KATNIP: variants seen among roughly 807,000 people sequenced by gnomAD.
KATNIP encodes katanin-interacting protein.
In KATNIP, 126 loss-of-function variants were observed where a neutral mutation model predicts 174.0. That is an observed-to-expected ratio of 0.72 (90% CI 0.63 to 0.84). KATNIP has a LOEUF of 0.84. Among genes scored for constraint, KATNIP ranks in the 40% least tolerant of loss-of-function variants. The pLI, the probability that KATNIP is intolerant of heterozygous loss-of-function variation, is 0.00. For missense variants in KATNIP, 1,958 were observed against 2,109.7 expected (o/e 0.93, Z 1.41); for synonymous variants, 810 against 835.7 (o/e 0.97, Z 0.53).
chr16:27,678,000 A>G lies in KATNIP; in HGVS notation c.808+4A>G. On this transcript the variant is annotated splice_donor_region_variant and intron_variant, in intron 7 of 27. Coordinates refer to ENST00000261588, the MANE Select transcript of KATNIP (RefSeq NM_015202.5). ...GAATTTAACCCAGCTTCCAAAAGTG[A>G]GCTCTGTCTTGTATATCATTTCTTT... is the stretch of plus-strand genomic sequence containing the variant. The G allele has an allele frequency of 1.2e-6, 2 of 1,613,418 alleles. No individual in the cohort carries two copies. Among genetic ancestry groups the G allele is most frequent in the Non-Finnish European group, 1.7e-6 (2 of 1,179,426 alleles).
chr16:27,642,776 T>TTTTTAAAA (rs1325524615), intron 5 of KATNIP, among the ~76,000 whole-genome samples: 1 of 150,588 alleles, frequency 6.6e-6, no homozygotes, highest in African/African-American at 2.4e-5. Context: ...AAAATTTTTT[T>TTTTTAAAA]TTTTTTTTTT....
intron 20 of KATNIP, among the ~76,000 whole-genome samples, chr16:27,767,272 T>C (rs2082158147): frequency 6.6e-6 from 1 of 151,992 alleles, no homozygotes; most frequent in Admixed American, 6.5e-5. Context: ...TGTCTCCTCA[T>C]CTATAAAATG....
At chr16:27,749,255 C>A (rs941270404) in intron 15 of KATNIP, among the ~76,000 whole-genome samples, 1 of 152,202 alleles carries the variant, frequency 6.6e-6, no homozygotes, top group Non-Finnish European at 1.5e-5. Flanking sequence ...CAAAAACAAC[C>A]AGATTCTGGA....
intron 6 of KATNIP, among the ~76,000 whole-genome samples, chr16:27,665,548 A>G (rs912271594): frequency 6.6e-6 from 1 of 151,812 alleles, no homozygotes; most frequent in African/African-American, 2.4e-5. Flanking sequence ...ACCTGGTCTC[A>G]GGTATTTCTT....
At chr16:27,552,494 C>G (rs2089426099) in intron 1 of KATNIP, among the ~76,000 whole-genome samples, 1 of 151,064 alleles carries the variant, frequency 6.6e-6, no homozygotes, top group Non-Finnish European at 1.5e-5. Flanking sequence ...CCTGCCTCAA[C>G]CTCCCGAGTA....
chr16:27,766,736 C>T (rs1378706403), intron 20 of KATNIP, among the ~76,000 whole-genome samples: 1 of 152,210 alleles, frequency 6.6e-6, no homozygotes, highest in African/African-American at 2.4e-5. Flanking sequence ...GTCCAGGCCC[C>T]AGCTTGCCAT....
intron 5 of KATNIP, among the ~76,000 whole-genome samples, chr16:27,641,182 C>T (rs1015404320): frequency 1.3e-5 from 2 of 151,464 alleles, no homozygotes; most frequent in African/African-American, 4.9e-5. Flanking sequence ...TTTCCTTGAA[C>T]ATTAGAGCTC....
intron 1 of KATNIP, among the ~76,000 whole-genome samples, chr16:27,571,924 A>C (rs1437343281): frequency 6.6e-6 from 1 of 152,250 alleles, no homozygotes; most frequent in Non-Finnish European, 1.5e-5. Flanking sequence ...CAGAGCAGCA[A>C]GCCTCAGGAG....
chr16:27,629,658 G>A (rs376413568), intron 4 of KATNIP, among the ~76,000 whole-genome samples: 17 of 152,334 alleles, frequency 1.1e-4, no homozygotes, highest in African/African-American at 3.8e-4. Flanking sequence ...AGCAGAGCAC[G>A]TGGAGTCAGG....
intron 2 of KATNIP, among the ~76,000 whole-genome samples, chr16:27,610,767 C>A (rs568309274): frequency 1.3e-5 from 2 of 152,292 alleles, no homozygotes; most frequent in East Asian, 3.9e-4. Context: ...AAAAGTCAAC[C>A]TGGGAACTGC....
In KATNIP at chr16:27,777,112, T is replaced by C; in HGVS notation, c.4551+83T>C. 1 of 916,508 alleles carries C rather than the reference T, an allele frequency of 1.1e-6. No individual in the cohort carries two copies. The allele number at this position is 916,508 out of a possible 1,614,324, so 56.8% of individuals were successfully genotyped here. Reference sequence around the variant, plus strand: ...CCGGCAATTATCATTTGTCGCAGTTTGATTTACTTCTCTCTGTTGCAACCC... The same window carrying C: ...CCGGCAATTATCATTTGTCGCAGTTCGATTTACTTCTCTCTGTTGCAACCC... On this transcript the variant is annotated intron_variant, in intron 25 of 27. Coordinates refer to ENST00000261588, the MANE Select transcript of KATNIP (RefSeq NM_015202.5). This position sits in a 1 kb window ranked among gnomAD's most constrained non-coding sequence, Gnocchi z 4.4.
rs116665145 is a variant in KATNIP, at chr16:27,637,504, C to T, written c.408+6342C>T. Among the ~76,000 whole-genome samples, 137 of 152,250 alleles carry T rather than the reference C, an allele frequency of 9.0e-4. No individual in the cohort carries two copies. The highest frequency in any genetic ancestry group is 3.2e-3 in the African/African-American group (132 of 41,554). On this transcript the variant is annotated intron_variant, in intron 5 of 27. Transcript: ENST00000261588. This position sits in a 1 kb window ranked among gnomAD's most constrained non-coding sequence, Gnocchi z 4.7. ...CCTGAAAGAGAAGCTGTCGGGGGAG[C>T]GCTCCTTCAGCGAAGGTGGGCAGCA...
intron 9 of KATNIP, 125 bp downstream of exon 9, chr16:27,698,625 A>T (rs1343207187): frequency 7.4e-6 from 7 of 946,648 alleles, no homozygotes; most frequent in Non-Finnish European, 1.0e-5. Context: ...CCCCAGACTC[A>T]TCCGTGTTTC....
At position 27,769,968 on chromosome 16, in the gene KATNIP, C is replaced by A. The variant is rs775480551; in HGVS notation, c.4083C>A (p.Ile1361=). ...GNCHFDFAQE[I]LFVDYLRAQL... is the part of the protein sequence containing the mutation. ...GCCACTTTGATTTTGCTCAAGAAAT[C>A]CTCTTCGTGGACTACCTACGGGCTC... is the stretch of plus-strand genomic sequence containing the variant. The change falls in exon 21 of 28, where the codon ATC becomes ATA. Residue 1361 remains isoleucine (I), a synonymous_variant. Coordinates refer to ENST00000261588, the MANE Select transcript of KATNIP (RefSeq NM_015202.5). 1.1e-5 allele frequency: 17 copies of A among 1,614,130 alleles called. No homozygotes were observed. Among genetic ancestry groups the A allele is most frequent in the Middle Eastern group, 1.6e-4 (1 of 6,084 alleles).
At chr16:27,719,300 G>A (rs915906199) in intron 13 of KATNIP, among the ~76,000 whole-genome samples, 5 of 152,178 alleles carry the variant, frequency 3.3e-5, no homozygotes, top group African/African-American at 4.8e-5. Flanking sequence ...GGCCATCAGG[G>A]CTCCTGAGCT....
At position 27,749,867 on chromosome 16, in the gene KATNIP, C is replaced by G; in HGVS notation, c.2907C>G (p.Pro969=). The change falls in exon 16 of 28, where the codon CCC becomes CCG. Residue 969 remains proline (P), a synonymous_variant. Coordinates refer to ENST00000261588, the MANE Select transcript of KATNIP (RefSeq NM_015202.5). The part of the protein sequence containing the change: ...ETDAGGDFKI[P]VLPYGQRLVI... ...ACGCTGGGGGTGACTTTAAAATCCC[C>G]GTCTTGCCTTATGGACAGCGCTTGG... is the stretch of plus-strand genomic sequence containing the variant. 6.2e-7 allele frequency: 1 copy of G among 1,614,188 alleles called. No individual in the cohort carries two copies. The highest frequency in any genetic ancestry group is 1.1e-5 in the South Asian group (1 of 91,078).
At chr16:27,757,630 C>T (rs2081787372) in intron 18 of KATNIP, 1 of 561,470 alleles carries the variant, frequency 1.8e-6, no homozygotes, top group Non-Finnish European at 2.3e-6. Context: ...AATTTCTCTT[C>T]TCTTCTCAGT....
At chr16:27,559,188 T>C (rs1486824115) in intron 1 of KATNIP, among the ~76,000 whole-genome samples, 1 of 152,200 alleles carries the variant, frequency 6.6e-6, no homozygotes, top group African/African-American at 2.4e-5. Context: ...AGTAAGAAAG[T>C]GTGACTACTG....
In KATNIP at chr16:27,628,464, T is replaced by A; in HGVS notation, c.141-197T>A. 5.1e-6 allele frequency: 3 copies of A among 583,356 alleles called. No homozygotes were observed. In the South Asian group the frequency reaches 6.3e-5, roughly 12 times the overall value. The allele number at this position is 583,356 out of a possible 1,614,324, so 36.1% of individuals were successfully genotyped here. A position where few individuals can be genotyped will look rare whatever the true frequency, so the allele number is the denominator to read the frequency against. On this transcript the variant is annotated intron_variant, in intron 3 of 27. Transcript: ENST00000261588. ...GAAACTTCCCTGTAGGGCCCCAAAC[T>A]GTCTGCCCCTCGTGGCTTCTCTAAG...
Sources: allele counts gnomAD v4.1 joint callset (sites outside exome capture counted in the v4.1 genomes callset), GRCh38; gene constraint gnomAD v4.1.1; non-coding constraint Gnocchi (gnomAD v3.1); transcripts MANE v1.5; gene names NCBI Gene and HGNC (gene_info 2026-07-23, HGNC 2026-07-21).